PGM2: variants seen among roughly 807,000 people sequenced by gnomAD.
PGM2 encodes the protein phosphopentomutase.
In PGM2, 57 loss-of-function variants were observed where a neutral mutation model predicts 74.6. The ratio of observed to expected loss-of-function variants is 0.76; its 90% CI spans 0.62 to 0.95. The LOEUF is 0.95. Among genes scored for constraint, PGM2 ranks in the 40% least tolerant of loss-of-function variants. The probability of loss-of-function intolerance (pLI) is 0.00; values close to 1 mark genes in which losing one functional copy is unlikely to be tolerated. For missense variants in PGM2, 706 were observed against 741.9 expected, an observed-to-expected ratio of 0.95 and a Z score of 0.56; for synonymous variants, 273 against 260.7, an observed-to-expected ratio of 1.05 and a Z score of -0.46.
At chr4:37,831,667 G>A (rs1577672081) in intron 2 of PGM2, among the ~76,000 whole-genome samples, 1 of 152,318 alleles carries the variant, frequency 6.6e-6, no homozygotes. Context: ...TATCCAGAGA[G>A]GGAGAGAGAG....
intron 13 of PGM2, among the ~76,000 whole-genome samples, chr4:37,858,414 G>A (rs756932229): frequency 6.6e-6 from 1 of 151,546 alleles, no homozygotes. Context: ...TTAGCTCACT[G>A]CAACCTCTGC....
At chr4:37,832,589 T>C (rs1389240704) in intron 2 of PGM2, among the ~76,000 whole-genome samples, 2 of 152,256 alleles carry the variant, frequency 1.3e-5, no homozygotes, top group African/African-American at 4.8e-5. Context: ...ATAGAGGTTA[T>C]AATTTCCTCC....
Position 37,827,633 on chromosome 4 carries a change from T to A in PGM2, c.81+820T>A, listed in dbSNP as rs202131858. 9.9e-5 allele frequency among the ~76,000 whole-genome samples: 15 copies of A among 152,276 alleles called. No homozygotes were observed. The East Asian group carries it at 2.7e-3, about 27-fold the overall frequency. ...CTTCCTTGGCTCCGAAGCGTTAAAT[T>A]ATTTATCCCTAATATTCACTCTAAA... On this transcript the variant is annotated intron_variant, in intron 1 of 13. Transcript: ENST00000381967.
At chr4:37,858,650 A>G (rs1186915187) in intron 13 of PGM2, among the ~76,000 whole-genome samples, 1 of 151,994 alleles carries the variant, frequency 6.6e-6, no homozygotes, top group Non-Finnish European at 1.5e-5. Flanking sequence ...GCACCAGGCT[A>G]GCAATAATGT....
At position 37,840,212 on chromosome 4, in the gene PGM2, C is replaced by A; in HGVS notation, c.672C>A (p.Ser224=). 6 of 1,612,882 alleles carry A rather than the reference C, an allele frequency of 3.7e-6. No individual in the cohort carries two copies. The highest frequency in any genetic ancestry group is 5.1e-6 in the Non-Finnish European group (6 of 1,178,852). Reference sequence around the variant, plus strand: ...CACTTCTCCACAATCCGAGTGCTTCCATCAATAATGACTACTTTGAAGACC... The same window carrying A: ...CACTTCTCCACAATCCGAGTGCTTCAATCAATAATGACTACTTTGAAGACC... ...SSPLLHNPSA[S]INNDYFEDLK... is the part of the protein sequence containing the mutation. The change falls in exon 6 of 14, where the codon TCC becomes TCA. Residue 224 remains serine, a synonymous_variant. Transcript: ENST00000381967.
At chr4:37,835,146 ATAATAG>A (rs1165832051) in intron 3 of PGM2, among the ~76,000 whole-genome samples, 1 of 152,222 alleles carries the variant, frequency 6.6e-6, no homozygotes, top group Non-Finnish European at 1.5e-5. Context: ...GGTGACAATG[ATAATAG>A]TAATAGCAGC....
intron 6 of PGM2, among the ~76,000 whole-genome samples, chr4:37,841,192 T>G (rs374439651): frequency 0.38 from 35,111 of 92,236 alleles, 5,871 homozygotes; most frequent in African/African-American, 0.59. Flanking sequence ...GTGTGTGGTT[T>G]GTTCTGTGCA....
chr4:37,834,651 GACTTA>G lies in PGM2; in HGVS notation c.285_289del (p.Asp95GlufsTer10). ...CAGATACCTGGAAAAACAATTCAGT[GACTTA>G]AAGCAGAAAGGCATCGTGATCAGTT... On this transcript the variant is annotated frameshift_variant, in exon 3 of 14. Transcript: ENST00000381967. LOFTEE classifies it high-confidence loss of function. 2 of 1,598,448 alleles carry G rather than the reference GACTTA, an allele frequency of 1.3e-6. No homozygotes were observed.
chr4:37,844,298 A>C, intron 6 of PGM2, 66 bp from the exon 7 acceptor site: 1 of 1,026,530 alleles, frequency 9.7e-7, no homozygotes, highest in Non-Finnish European at 1.4e-6. Context: ...GCATTCTTGC[A>C]AACCTTGCAG....
intron 12 of PGM2, among the ~76,000 whole-genome samples, chr4:37,855,204 C>G (rs1726161024): frequency 6.6e-6 from 1 of 152,212 alleles, no homozygotes; most frequent in Non-Finnish European, 1.5e-5. Context: ...TATCCCCACC[C>G]TTCCCCAGTC....
intron 6 of PGM2, among the ~76,000 whole-genome samples, chr4:37,841,068 A>C (rs1725702620): frequency 1.1e-5 from 1 of 89,684 alleles, no homozygotes; most frequent in Admixed American, 1.5e-4. Context: ...GTGCATATGC[A>C]AGCGTATATA....
rs1560412543 is a variant in PGM2 at position 37,834,652 on chromosome 4, ACTT to A, written c.285_287del (p.Asp95_Leu96delinsGlu). On this transcript the variant is annotated inframe_deletion, in exon 3 of 14. Transcript: ENST00000381967. ...AGATACCTGGAAAAACAATTCAGTG[ACTT>A]AAAGCAGAAAGGCATCGTGATCAGT... is the stretch of plus-strand genomic sequence containing the variant. 3 of 1,599,236 alleles carry A rather than the reference ACTT, an allele frequency of 1.9e-6. No homozygotes were observed. The South Asian group carries it at 3.3e-5, about 18-fold the overall frequency.
intron 4 of PGM2, among the ~76,000 whole-genome samples, chr4:37,838,856 C>G (rs1188641063): frequency 2.0e-5 from 3 of 152,118 alleles, no homozygotes; most frequent in African/African-American, 7.2e-5. Context: ...CCCAGAACAC[C>G]TGAGAGATGT....
At chr4:37,829,283 T>C (rs1262456402) in intron 1 of PGM2, among the ~76,000 whole-genome samples, 3 of 152,244 alleles carry the variant, frequency 2.0e-5, no homozygotes, top group Non-Finnish European at 2.9e-5. Flanking sequence ...GATTAATGTT[T>C]ATCTTGCAAT....
In PGM2 at chr4:37,837,598, G is replaced by A. The variant is rs143672303; in HGVS notation, c.426G>A (p.Thr142=). 305 of 1,608,320 alleles carry A rather than the reference G, an allele frequency of 1.9e-4. No individual in the cohort carries two copies. The highest frequency in any genetic ancestry group is 2.2e-4 in the Non-Finnish European group (257 of 1,174,918). ...GIPVYLFSDI[T]PTPFVPFTVS... is the part of the protein sequence containing the mutation. ...CTGTGTACCTCTTTTCTGATATAAC[G>A]CCAACCCCCTTTGTGGTAAGTAGCC... The change falls in exon 4 of 14, where the codon ACG becomes ACA. Residue 142 remains threonine, a synonymous_variant. Coordinates refer to ENST00000381967, the MANE Select transcript of PGM2 (RefSeq NM_018290.4).
chr4:37,844,651 G>GA, intron 7 of PGM2, 98 bp downstream of exon 7: 2 of 778,418 alleles, frequency 2.6e-6, no homozygotes, highest in East Asian at 5.2e-5. Context: ...TTGTGCTGAA[G>GA]AAAAACTAAT....
In PGM2 at chr4:37,840,354, A is replaced by T. The variant is rs990380001; in HGVS notation, c.719+95A>T. On this transcript the variant is annotated intron_variant, in intron 6 of 13. Transcript: ENST00000381967. ...TGAAGTTTTTCTCTTTAATTTGCTC[A>T]TGTACTACAGCTGCATCTGATTTTA... 2.4e-5 allele frequency: 17 copies of T among 722,964 alleles called. 1 individual carries two copies. In the Middle Eastern group the frequency reaches 7.4e-4, roughly 32 times the overall value. 44.8% of individuals were successfully genotyped at this position (722,964 alleles called of 1,614,324 possible).
intron 1 of PGM2, among the ~76,000 whole-genome samples, chr4:37,828,177 G>T (rs1204897273): frequency 6.6e-6 from 1 of 152,114 alleles, no homozygotes; most frequent in African/African-American, 2.4e-5. Context: ...CACAAGGGAA[G>T]AAAAATGTTT....
Position 37,848,550 on chromosome 4 carries a change from C to G in PGM2, c.1311C>G (p.Asp437Glu), listed in dbSNP as rs1218629275. ...ACATGTGCTGCCCTTTTGTTCTGGA[C>G]AAAGATGGAGTCAGTGCCGCTGTCA... ...IGYMCCPFVLDKDGVSAAVIS... is the reference protein window; with the variant it reads ...IGYMCCPFVLEKDGVSAAVIS... The change falls in exon 11 of 14, where the codon GAC (aspartate) becomes GAG (glutamate). Residue 437 changes from aspartate (D) to glutamate (E), a missense_variant. By Grantham distance (45) the Asp-to-Glu change is conservative. This residue lies in a region of PGM2 where 359 missense variants were observed against 371.1 expected (regional missense o/e 0.97). Transcript: ENST00000381967. 6.2e-7 allele frequency: 1 copy of G among 1,613,378 alleles called. No homozygotes were observed. Among genetic ancestry groups the G allele is most frequent in the Non-Finnish European group, 8.5e-7 (1 of 1,179,380 alleles).
Sources: allele counts gnomAD v4.1 joint callset (sites outside exome capture counted in the v4.1 genomes callset), GRCh38; gene constraint gnomAD v4.1.1; regional missense constraint gnomAD v4.1.1; transcripts MANE v1.5; gene names NCBI Gene and HGNC (gene_info 2026-07-23, HGNC 2026-07-21).